Variants in BBX observed in about 807,000 individuals in gnomAD.
BBX encodes BBX high mobility group box domain containing.
A neutral mutation model predicts 100.2 loss-of-function variants in BBX; 30 were observed. The ratio of observed to expected loss-of-function variants is 0.30; its 90% CI spans 0.22 to 0.41. The LOEUF is 0.41. Ranked by LOEUF, BBX falls within the 10% of genes least tolerant of loss-of-function variation. The pLI, the probability that BBX is intolerant of heterozygous loss-of-function variation, is 1.00. For missense variants in BBX, 1,023 were observed against 1,129.8 expected, an observed-to-expected ratio of 0.91 and a Z score of 1.35; for synonymous variants, 376 against 388.1, an observed-to-expected ratio of 0.97 and a Z score of 0.37.
chr3:107,798,856 A>G lies in BBX; in HGVS notation c.2551+136A>G, dbSNP rs896376956. The G allele has an allele frequency of 3.1e-5, 31 of 996,542 alleles. No homozygotes were observed. In the Middle Eastern group the frequency reaches 9.6e-4, roughly 31 times the overall value. 61.7% of individuals were successfully genotyped at this position (996,542 alleles called of 1,614,324 possible). A position where few individuals can be genotyped will look rare whatever the true frequency, so the allele number is the denominator to read the frequency against. On this transcript the variant is annotated intron_variant, in intron 16 of 17. Transcript: ENST00000325805. Reference sequence around the variant, plus strand: ...GAGCTAAAAAAAAAAAAAAACAAAAACAAAAAAAACCAGGCCAGGCGCGGT... The same window carrying G: ...GAGCTAAAAAAAAAAAAAAACAAAAGCAAAAAAAACCAGGCCAGGCGCGGT...
chr3:107,559,609 CTAAAA>C (rs2050331864), intron 2 of BBX, among the ~76,000 whole-genome samples: 1 of 152,100 alleles, frequency 6.6e-6, no homozygotes, highest in Non-Finnish European at 1.5e-5. Flanking sequence ...AAATGCTGAA[CTAAAA>C]CTCAGGGATG....
chr3:107,669,762 G>T (rs2058930832), intron 3 of BBX, among the ~76,000 whole-genome samples: 1 of 152,104 alleles, frequency 6.6e-6, no homozygotes, highest in Non-Finnish European at 1.5e-5. Flanking sequence ...GGATTTTTCA[G>T]ATTTATTATC....
At chr3:107,721,710 T>C (rs1271742802) in intron 5 of BBX, among the ~76,000 whole-genome samples, 2 of 152,056 alleles carry the variant, frequency 1.3e-5, no homozygotes, top group Non-Finnish European at 2.9e-5. Context: ...TTATAAACAT[T>C]TAAATGTTTA....
Position 107,739,734 on chromosome 3 carries a change from A to G in BBX, c.670-4896A>G, listed in dbSNP as rs142320467. On this transcript the variant is annotated intron_variant, in intron 7 of 17. Coordinates refer to ENST00000325805, the MANE Select transcript of BBX (RefSeq NM_001142568.3). ...CACAAGAGAGGTGTGGTTATTGTCA[A>G]TTAGGTGGTTGTTGGAGAGCACATT... Among the ~76,000 whole-genome samples, 508 of 152,286 alleles carry G rather than the reference A, an allele frequency of 3.3e-3. 5 individuals carry two copies. Among genetic ancestry groups the G allele is most frequent in the Non-Finnish European group, 4.1e-3 (280 of 68,020 alleles).
chr3:107,719,244 G>A (rs114292232), intron 5 of BBX, among the ~76,000 whole-genome samples: 3 of 151,846 alleles, frequency 2.0e-5, no homozygotes, highest in African/African-American at 2.4e-5. Flanking sequence ...AATTTTAGAC[G>A]TTGTCCATTA....
At position 107,769,169 on chromosome 3, in the gene BBX, C is replaced by CATAGATAG. The variant is rs61134656; in HGVS notation, c.907-3405_907-3398dup. On this transcript the variant is annotated intron_variant, in intron 10 of 17. Transcript: ENST00000325805. Reference sequence around the variant, plus strand: ...CATAATAGAGCACGACTCTATCATTCATAGATAGATAGATAGATAGATAGA... The same window carrying CATAGATAG: ...CATAATAGAGCACGACTCTATCATTCATAGATAGATAGATAGATAGATAGATAGATAGA... Among the ~76,000 whole-genome samples, 812 of 132,446 alleles carry CATAGATAG rather than the reference C, an allele frequency of 6.1e-3. 11 individuals are homozygous for CATAGATAG. Among genetic ancestry groups the CATAGATAG allele is most frequent in the African/African-American group, 0.01 (356 of 34,418 alleles). 86.9% of individuals were successfully genotyped at this position (132,446 alleles called of 152,430 possible). A position where few individuals can be genotyped will look rare whatever the true frequency, so the allele number is the denominator to read the frequency against.
In BBX at chr3:107,809,629, T is replaced by C. The variant is rs542473869; in HGVS notation, c.*4172T>C. On this transcript the variant is annotated 3_prime_UTR_variant, in exon 18 of 18. Coordinates refer to ENST00000325805, the MANE Select transcript of BBX (RefSeq NM_001142568.3). ...AGTGCCACTATTTTCCACTGCAGTG[T>C]TTTGACTTCACAAACTGCCTCCTCC... 1.3e-5 allele frequency: 2 copies of C among 152,352 alleles called. No homozygotes were observed. Among genetic ancestry groups the C allele is most frequent in the Admixed American group, 1.3e-4 (2 of 15,304 alleles). 9.4% of individuals were successfully genotyped at this position (152,352 alleles called of 1,614,324 possible).
intron 2 of BBX, among the ~76,000 whole-genome samples, chr3:107,620,887 A>G (rs570171410): frequency 1.6e-4 from 21 of 132,618 alleles, no homozygotes; most frequent in African/African-American, 5.6e-4. Context: ...TTATTGCTGC[A>G]TAGGGGGTTG....
intron 16 of BBX, among the ~76,000 whole-genome samples, chr3:107,800,508 G>A (rs1350339624): frequency 6.6e-6 from 1 of 152,134 alleles, no homozygotes; most frequent in Non-Finnish European, 1.5e-5. Flanking sequence ...ATTTGTAGCA[G>A]GCATACTTGC....
At chr3:107,599,529 A>G (rs1003202850) in intron 2 of BBX, 3 of 152,154 alleles carry the variant, frequency 2.0e-5, no homozygotes, top group Admixed American at 6.5e-5. Context: ...TTGTTGTCAC[A>G]TCGTGCCGGT....
intron 3 of BBX, among the ~76,000 whole-genome samples, chr3:107,655,259 G>A (rs908538564): frequency 2.6e-5 from 4 of 152,042 alleles, no homozygotes; most frequent in Non-Finnish European, 4.4e-5. Flanking sequence ...AAGCCCAAAC[G>A]TATGAAAATA....
Position 107,710,523 on chromosome 3 carries a change from A to G in BBX, c.63A>G (p.Pro21=), listed in dbSNP as rs2061650378. 1 of 1,614,018 alleles carries G rather than the reference A, an allele frequency of 6.2e-7. No homozygotes were observed. The highest frequency in any genetic ancestry group is 1.7e-5 in the Admixed American group (1 of 60,010). Residue 21 remains proline (P), a synonymous_variant, in exon 4 of 18, where the codon CCA becomes CCG. Transcript: ENST00000325805. ...SAEGEGVGKR[P]KRKCLQWHPL... ...AAGGAGAAGGGGTTGGAAAACGACC[A>G]AAACGAAAGTGTCTTCAGTGGCATC...
chr3:107,669,818 T>G (rs2058932814), intron 3 of BBX, among the ~76,000 whole-genome samples: 1 of 152,198 alleles, frequency 6.6e-6, no homozygotes, highest in South Asian at 2.1e-4. Flanking sequence ...AGTCTACTTT[T>G]ACAGATTAAT....
chr3:107,582,949 C>T (rs866470097), intron 2 of BBX, among the ~76,000 whole-genome samples: 7 of 151,832 alleles, frequency 4.6e-5, no homozygotes, highest in Middle Eastern at 3.4e-3. Flanking sequence ...TATAAAAGTT[C>T]TACAATGCTG....
rs1007035773 is a variant in BBX, at chr3:107,695,476, G to T, written c.-9-14976G>T. ...GTACCCAGTAGTCATTCAGGAGCAGGTTGTTCAGTTTCCATGTAGTTGAGC... is the reference window on the plus strand; with the variant it reads ...GTACCCAGTAGTCATTCAGGAGCAGTTTGTTCAGTTTCCATGTAGTTGAGC... On this transcript the variant is annotated intron_variant, in intron 3 of 17. Coordinates refer to ENST00000325805, the MANE Select transcript of BBX (RefSeq NM_001142568.3). Among the ~76,000 whole-genome samples, 192 of 138,762 alleles carry T rather than the reference G, an allele frequency of 1.4e-3. 1 individual carries two copies. Among genetic ancestry groups the T allele is most frequent in the Non-Finnish European group, 1.4e-3 (94 of 65,650 alleles). The allele number at this position is 138,762 out of a possible 152,430, so 91.0% of individuals were successfully genotyped here.
chr3:107,732,918 A>G, intron 6 of BBX, 38 bp from the exon 7 acceptor site: 1 of 1,537,526 alleles, frequency 6.5e-7, no homozygotes, highest in Non-Finnish European at 9.0e-7. Context: ...TATGTACTTT[A>G]TGCTTATAAG....
intron 2 of BBX, among the ~76,000 whole-genome samples, chr3:107,631,198 T>A (rs1348762937): frequency 1.3e-5 from 2 of 152,190 alleles, no homozygotes; most frequent in Non-Finnish European, 2.9e-5. Context: ...AATTACCACC[T>A]TGTCACTCTG....
chr3:107,581,886 T>A (rs1055226793), intron 2 of BBX, among the ~76,000 whole-genome samples: 6 of 152,312 alleles, frequency 3.9e-5, no homozygotes, highest in East Asian at 1.9e-4. Context: ...ATGCTTTTTT[T>A]AAAATTAGAA....
At chr3:107,787,900 A>T (rs1340105196) in intron 13 of BBX, among the ~76,000 whole-genome samples, 1 of 152,182 alleles carries the variant, frequency 6.6e-6, no homozygotes, top group African/African-American at 2.4e-5. Context: ...GAACACTGAG[A>T]CTACATGTGC....
Sources: gnomAD v4.1 joint callset for allele counts (sites outside exome capture counted in the v4.1 genomes callset) on GRCh38, gnomAD v4.1.1 for gene constraint, MANE v1.5 for transcripts, NCBI Gene and HGNC (gene_info 2026-07-23, HGNC 2026-07-21) for gene names.